AGAP1: variants seen among roughly 807,000 people sequenced by gnomAD.
AGAP1 encodes ArfGAP with GTPase domain, ankyrin repeat and PH domain 1, also known as arf-GAP with GTPase, ANK repeat and PH domain-containing protein 1.
A neutral mutation model predicts 105.3 loss-of-function variants in AGAP1; 29 were observed. The observed-to-expected ratio is 0.28, with a 90% CI of 0.21 to 0.38. The LOEUF is 0.38. Among genes scored for constraint, AGAP1 ranks in the 10% least tolerant of loss-of-function variants. The probability of loss-of-function intolerance (pLI) is 1.00; values close to 1 mark genes in which losing one functional copy is unlikely to be tolerated. For synonymous variants in AGAP1, 509 were observed against 485.9 expected (o/e 1.05, Z -0.63); for missense variants, 998 against 1,165.1 (o/e 0.86, Z 2.09).
At chr2:235,878,456 G>A (rs2106600328) in intron 9 of AGAP1, among the ~76,000 whole-genome samples, 1 of 152,212 alleles carries the variant, frequency 6.6e-6, no homozygotes, top group South Asian at 2.1e-4. Context: ...GTCACGTTCT[G>A]GGCTAAAGTA....
chr2:235,709,325 G>T (rs994068665), intron 2 of AGAP1, 88 bp downstream of exon 2: 4 of 1,440,666 alleles, frequency 2.8e-6, no homozygotes, highest in Non-Finnish European at 3.9e-6. Context: ...ACTGGTCATC[G>T]CCTGGGGCCC....
At chr2:235,806,850 G>A (rs992901096) in intron 8 of AGAP1, among the ~76,000 whole-genome samples, 1 of 152,342 alleles carries the variant, frequency 6.6e-6, no homozygotes, top group South Asian at 2.1e-4. Flanking sequence ...TACATATGTT[G>A]ATGTAGTAGA....
intron 9 of AGAP1, among the ~76,000 whole-genome samples, chr2:235,815,155 C>T (rs1357785130): frequency 1.3e-5 from 2 of 152,136 alleles, no homozygotes; most frequent in East Asian, 1.9e-4. Flanking sequence ...GACAGTGGGG[C>T]GTGCCCAGCA....
At chr2:235,536,375 A>ACAC (rs1559231283) in intron 1 of AGAP1, among the ~76,000 whole-genome samples, 8 of 45,824 alleles carry the variant, frequency 1.7e-4, no homozygotes, top group Non-Finnish European at 2.3e-4. Context: ...ACACACACAC[A>ACAC]GCAGGACCCC....
intron 8 of AGAP1, among the ~76,000 whole-genome samples, chr2:235,802,033 A>C (rs1957519535): frequency 6.6e-6 from 1 of 151,450 alleles, no homozygotes; most frequent in African/African-American, 2.5e-5. Flanking sequence ...AGGGAGGAGA[A>C]CACTTGAAGG....
rs2060068437 is a variant in AGAP1 at position 236,130,480 on chromosome 2, A to C, written c.*6358A>C. 6.6e-6 allele frequency: 1 copy of C among 152,180 alleles called. No individual in the cohort carries two copies. The highest frequency in any genetic ancestry group is 6.6e-5 in the Admixed American group (1 of 15,266). The allele number at this position is 152,180 out of a possible 1,614,324, so 9.4% of individuals were successfully genotyped here. ...CCCCCTTAACACACCAGCTGTTGGGAACAGCTGCCCCTAAATCCAATTAAA... is the reference window on the plus strand; with the variant it reads ...CCCCCTTAACACACCAGCTGTTGGGCACAGCTGCCCCTAAATCCAATTAAA... On this transcript the variant is annotated 3_prime_UTR_variant, in exon 18 of 18. Transcript: ENST00000304032. This position sits in a 1 kb window ranked among gnomAD's most constrained non-coding sequence, Gnocchi z 5.8.
In AGAP1 at chr2:235,989,952, G is replaced by A. The variant is rs1221700503; in HGVS notation, c.1645+21329G>A. On this transcript the variant is annotated intron_variant, in intron 13 of 17. Coordinates refer to ENST00000304032, the MANE Select transcript of AGAP1 (RefSeq NM_001037131.3). The surrounding 1 kb of genome is among the most constrained non-coding windows in gnomAD (Gnocchi z 4.4). ...TAGATCATTCAAATGCGTAGCCGGG[G>A]TTGGGAACCAGTGGTTTAGGTTAAG... Among the ~76,000 whole-genome samples, 1 of 152,086 alleles carries A rather than the reference G, an allele frequency of 6.6e-6. No individual in the cohort carries two copies. Among genetic ancestry groups the A allele is most frequent in the African/African-American group, 2.4e-5 (1 of 41,410 alleles).
chr2:235,807,155 GGCAGGAA>G, intron 8 of AGAP1, 77 bp from the exon 9 acceptor site: 1 of 1,370,658 alleles, frequency 7.3e-7, no homozygotes, highest in Admixed American at 2.2e-5. Context: ...AATGTGTATT[GGCAGGAA>G]TTCTGCAAAC....
At position 235,833,076 on chromosome 2, in the gene AGAP1, C is replaced by T. The variant is rs373857430; in HGVS notation, c.1050+25745C>T. 1.4e-4 allele frequency among the ~76,000 whole-genome samples: 21 copies of T among 152,320 alleles called. 1 individual carries two copies. Among genetic ancestry groups the T allele is most frequent in the African/African-American group, 4.6e-4 (19 of 41,564 alleles). On this transcript the variant is annotated intron_variant, in intron 9 of 17. Coordinates refer to ENST00000304032, the MANE Select transcript of AGAP1 (RefSeq NM_001037131.3). ...TGGAGGGGGCCGGTGAGCCAGGGAG[C>T]ATGGTAGAAGAGACAAGCCGGAGAG...
chr2:235,846,360 G>A (rs1961490501), intron 9 of AGAP1, among the ~76,000 whole-genome samples: 1 of 152,126 alleles, frequency 6.6e-6, no homozygotes, highest in African/African-American at 2.4e-5. Flanking sequence ...ATCTCACTCT[G>A]TCACCCAGGC....
intron 9 of AGAP1, among the ~76,000 whole-genome samples, chr2:235,810,153 AC>A (rs559269268): frequency 5.6e-4 from 85 of 152,330 alleles, no homozygotes; most frequent in South Asian, 1.7e-3. Context: ...AAAATATCTT[AC>A]GACTGTATAA....
At chr2:235,873,109 C>T (rs143707216) in intron 9 of AGAP1, among the ~76,000 whole-genome samples, 5 of 152,294 alleles carry the variant, frequency 3.3e-5, no homozygotes, top group South Asian at 2.1e-4. Context: ...GCAGAGACTG[C>T]GGGACCCCAG....
intron 1 of AGAP1, among the ~76,000 whole-genome samples, chr2:235,619,385 G>C (rs994450363): frequency 6.8e-6 from 1 of 148,040 alleles, no homozygotes; most frequent in Non-Finnish European, 1.5e-5. Flanking sequence ...GGGCTGAAGT[G>C]GGGGAGCTGG....
intron 12 of AGAP1, among the ~76,000 whole-genome samples, chr2:235,941,361 GTATT>G (rs2053248959): frequency 6.6e-6 from 1 of 152,206 alleles, no homozygotes; most frequent in Admixed American, 6.5e-5. Context: ...TAGTCCACAA[GTATT>G]TATTGACCAC....
At chr2:235,501,200 C>T (rs927655786) in intron 1 of AGAP1, among the ~76,000 whole-genome samples, 77 of 152,144 alleles carry the variant, frequency 5.1e-4, no homozygotes, top group African/African-American at 1.8e-3. Flanking sequence ...TGCGTTTCTG[C>T]GACACGGTGG....
chr2:235,593,197 C>T (rs1226690525), intron 1 of AGAP1, among the ~76,000 whole-genome samples: 1 of 152,140 alleles, frequency 6.6e-6, no homozygotes, highest in African/African-American at 2.4e-5. Flanking sequence ...TTCAGACGGG[C>T]AGCTTTTCCT....
intron 11 of AGAP1, among the ~76,000 whole-genome samples, chr2:235,910,691 G>A (rs1404920897): frequency 6.6e-6 from 1 of 152,196 alleles, no homozygotes; most frequent in Non-Finnish European, 1.5e-5. Flanking sequence ...GCCAAAATGG[G>A]TGAATCACCT....
intron 1 of AGAP1, among the ~76,000 whole-genome samples, chr2:235,675,338 C>A (rs1948678485): frequency 6.6e-6 from 1 of 151,784 alleles, no homozygotes; most frequent in Non-Finnish European, 1.5e-5. Context: ...CTACAGGTGC[C>A]CGCCACCACG....
Position 236,105,181 on chromosome 2 carries a change from G to T in AGAP1, c.2115-15011G>T, listed in dbSNP as rs1337213099. On this transcript the variant is annotated intron_variant, in intron 16 of 17. Transcript: ENST00000304032. The surrounding 1 kb of genome is among the most constrained non-coding windows in gnomAD (Gnocchi z 4.2). ...GACATGCATTCAGGCTACCTACAAG[G>T]AAAAGCAGTTAGATTCGAGCAAAGT... Among the ~76,000 whole-genome samples, 1 of 152,150 alleles carries T rather than the reference G, an allele frequency of 6.6e-6. No individual in the cohort carries two copies. The highest frequency in any genetic ancestry group is 1.5e-5 in the Non-Finnish European group (1 of 68,038).
Sources: gnomAD v4.1 joint callset for allele counts (sites outside exome capture counted in the v4.1 genomes callset) on GRCh38, gnomAD v4.1.1 for gene constraint, Gnocchi (gnomAD v3.1) non-coding constraint, MANE v1.5 for transcripts, NCBI Gene and HGNC (gene_info 2026-07-23, HGNC 2026-07-21) for gene names.